The following TTLL11 variants were observed in gnomAD, a reference collection of about 807,000 sequenced individuals.
The protein encoded by TTLL11 is tubulin polyglutamylase TTLL11.
TTLL11 carries 42 observed loss-of-function variants against 51.7 expected under a neutral mutation model. The ratio of observed to expected loss-of-function variants is 0.81; its 90% CI spans 0.64 to 1.05. The LOEUF is 1.05. TTLL11 is among the 50% of genes least tolerant of loss of function. TTLL11 has a pLI of 0.00. For synonymous variants in TTLL11, 381 were observed against 383.5 expected, an observed-to-expected ratio of 0.99 and a Z score of 0.08; for missense variants, 799 against 940.4, an observed-to-expected ratio of 0.85 and a Z score of 1.97.
intron 3 of TTLL11, among the ~76,000 whole-genome samples, chr9:122,016,768 A>G (rs1007737553): frequency 6.6e-6 from 1 of 152,186 alleles, no homozygotes; most frequent in Non-Finnish European, 1.5e-5. Flanking sequence ...GGCTATATTC[A>G]GTGAAAAATT....
At chr9:121,899,930 T>C (rs1354789160) in intron 6 of TTLL11, among the ~76,000 whole-genome samples, 2 of 152,362 alleles carry the variant, frequency 1.3e-5, no homozygotes, top group East Asian at 1.9e-4. Context: ...TTTTACATTG[T>C]ATCTTATTTA....
Position 122,013,828 on chromosome 9 carries a change from C to T in TTLL11, c.693+17895G>A, listed in dbSNP as rs564163608. Among the ~76,000 whole-genome samples, 32 of 152,334 alleles carry T rather than the reference C, an allele frequency of 2.1e-4. 1 individual carries two copies. Among genetic ancestry groups the T allele is most frequent in the East Asian group, 5.8e-4 (3 of 5,194 alleles). On this transcript the variant is annotated intron_variant, in intron 3 of 8. Coordinates refer to ENST00000321582, the MANE Select transcript of TTLL11 (RefSeq NM_001139442.2). ...AGATGATGATGGATTACATAAAGCC[C>T]TTTGTGCTCCAACTGAAACCCTGGC...
At chr9:122,003,216 T>C (rs1313075871) in intron 3 of TTLL11, among the ~76,000 whole-genome samples, 1 of 152,184 alleles carries the variant, frequency 6.6e-6, no homozygotes, top group Non-Finnish European at 1.5e-5. Context: ...GAGATGATCA[T>C]AAAACCTCTC....
In TTLL11 at chr9:122,093,016, C is replaced by G; in HGVS notation, c.133G>C (p.Ala45Pro). The change falls in exon 1 of 9, where the codon GCG becomes CCG. Residue 45 changes from alanine to proline, a missense_variant. Coordinates refer to ENST00000321582, the MANE Select transcript of TTLL11 (RefSeq NM_001139442.2). ...ETVAEQVRVD[A>P]GAAGEPECKA... ...CACTCCGGTTCCCCGGCCGCGCCCG[C>G]GTCCACGCGGACCTGTTCCGCCACC... 1 of 1,534,754 alleles carries G rather than the reference C, an allele frequency of 6.5e-7. No individual in the cohort carries two copies. Among genetic ancestry groups the G allele is most frequent in the Non-Finnish European group, 8.7e-7 (1 of 1,148,878 alleles).
At chr9:122,002,876 G>A (rs1843515934) in intron 3 of TTLL11, among the ~76,000 whole-genome samples, 1 of 149,984 alleles carries the variant, frequency 6.7e-6, no homozygotes, top group Non-Finnish European at 1.5e-5. Flanking sequence ...AACCTGGGAG[G>A]TGGAGGTTGC....
intron 1 of TTLL11, among the ~76,000 whole-genome samples, chr9:122,084,920 C>T (rs1329952922): frequency 1.3e-5 from 2 of 152,096 alleles, no homozygotes; most frequent in African/African-American, 4.8e-5. Flanking sequence ...GTCACTTAAA[C>T]GGCTAAAACG....
chr9:122,084,398 C>T (rs1846072088), intron 1 of TTLL11, among the ~76,000 whole-genome samples: 2 of 152,052 alleles, frequency 1.3e-5, no homozygotes, highest in South Asian at 2.1e-4. Context: ...CAAATGGCAG[C>T]GGCAGCAGCT....
chr9:121,964,920 T>C (rs750361579), intron 6 of TTLL11, among the ~76,000 whole-genome samples: 10 of 152,192 alleles, frequency 6.6e-5, no homozygotes, highest in Non-Finnish European at 1.2e-4. Context: ...TTGCAGTACT[T>C]AGCACATTCC....
chr9:122,030,215 G>C (rs1588219818), intron 3 of TTLL11, among the ~76,000 whole-genome samples: 2 of 112,000 alleles, frequency 1.8e-5, no homozygotes, highest in East Asian at 5.7e-4. Context: ...GGGGGGGGGG[G>C]TAATTATGAG....
At chr9:121,896,735 T>C (rs1839540172) in intron 6 of TTLL11, among the ~76,000 whole-genome samples, 1 of 151,832 alleles carries the variant, frequency 6.6e-6, no homozygotes, top group Admixed American at 6.6e-5. Flanking sequence ...AGGAAGCACC[T>C]CCTTCACCCG....
chr9:122,064,986 A>C (rs1248365314), intron 1 of TTLL11, among the ~76,000 whole-genome samples: 1 of 152,162 alleles, frequency 6.6e-6, no homozygotes, highest in African/African-American at 2.4e-5. Context: ...TTGGTGCTTC[A>C]ATTCTAAAGA....
At chr9:122,035,188 C>T (rs1433510052) in intron 2 of TTLL11, among the ~76,000 whole-genome samples, 1 of 152,208 alleles carries the variant, frequency 6.6e-6, no homozygotes, top group African/African-American at 2.4e-5. Context: ...CTGGAATCCT[C>T]CTGTCTGTGA....
intron 6 of TTLL11, among the ~76,000 whole-genome samples, chr9:121,889,985 C>T (rs1436615881): frequency 2.0e-5 from 3 of 152,200 alleles, no homozygotes; most frequent in Non-Finnish European, 4.4e-5. Context: ...TTTCACTTAG[C>T]ATAATGTCCT....
chr9:122,085,867 A>C (rs967950986), intron 1 of TTLL11, among the ~76,000 whole-genome samples: 2 of 152,220 alleles, frequency 1.3e-5, no homozygotes, highest in African/African-American at 4.8e-5. Context: ...TAGTCACACA[A>C]GCAATCAGAG....
intron 1 of TTLL11, among the ~76,000 whole-genome samples, chr9:122,066,029 G>T (rs1845573411): frequency 6.6e-6 from 1 of 152,112 alleles, no homozygotes; most frequent in African/African-American, 2.4e-5. Context: ...GTTCTTAAAT[G>T]GGGGTGGAGT....
chr9:121,983,202 A>C (rs1233044690), intron 4 of TTLL11, among the ~76,000 whole-genome samples: 2 of 152,202 alleles, frequency 1.3e-5, no homozygotes, highest in African/African-American at 4.8e-5. Context: ...AGGATGTCTC[A>C]GGCTGTTGGT....
intron 3 of TTLL11, among the ~76,000 whole-genome samples, chr9:121,998,758 T>G (rs1843368001): frequency 6.6e-6 from 1 of 152,192 alleles, no homozygotes; most frequent in Admixed American, 6.5e-5. Context: ...CGTCAATATG[T>G]ATACATGAGA....
chr9:121,845,781 C>A (rs1316464053), intron 8 of TTLL11, among the ~76,000 whole-genome samples: 1 of 151,808 alleles, frequency 6.6e-6, no homozygotes, highest in Non-Finnish European at 1.5e-5. Context: ...AATTGCTAAG[C>A]TAAAAGAGGA....
intron 3 of TTLL11, among the ~76,000 whole-genome samples, chr9:121,998,396 C>G (rs906319191): frequency 6.6e-6 from 1 of 152,114 alleles, no homozygotes; most frequent in East Asian, 1.9e-4. Context: ...AAGCGATTCT[C>G]GTGCCTCAGC....
Sources: allele counts gnomAD v4.1 joint callset (sites outside exome capture counted in the v4.1 genomes callset), GRCh38; gene constraint gnomAD v4.1.1; transcripts MANE v1.5; gene names NCBI Gene and HGNC (gene_info 2026-07-23, HGNC 2026-07-21).